Variants in ATP6V1H observed in about 807,000 individuals in gnomAD.
ATP6V1H encodes the protein ATPase H+ transporting V1 subunit H.
Under a neutral mutation model 71.7 loss-of-function variants are expected in ATP6V1H, and 39 were observed. That is an observed-to-expected ratio of 0.54 (90% confidence interval 0.42 to 0.71). The LOEUF (loss-of-function observed/expected upper bound fraction) is 0.71, where lower values mean the gene tolerates loss of function less well. Among genes scored for constraint, ATP6V1H ranks in the 30% least tolerant of loss-of-function variants. The pLI is 0.00. For synonymous variants in ATP6V1H, 192 were observed against 199.3 expected (o/e 0.96, Z 0.31); for missense variants, 509 against 594.9 (o/e 0.86, Z 1.50).
At chr8:53,772,685 G>A (rs1361992287) in intron 9 of ATP6V1H, among the ~76,000 whole-genome samples, 2 of 152,016 alleles carry the variant, frequency 1.3e-5, no homozygotes, top group South Asian at 2.1e-4. Flanking sequence ...CGACATTCGG[G>A]CAAATTCCCG....
intron 13 of ATP6V1H, among the ~76,000 whole-genome samples, chr8:53,741,352 T>C (rs550738871): frequency 6.6e-5 from 10 of 152,336 alleles, no homozygotes; most frequent in Non-Finnish European, 1.2e-4. Context: ...ATATACATTT[T>C]TTAAAACAAG....
chr8:53,801,807 C>T lies in ATP6V1H; in HGVS notation c.669G>A (p.Gly223=), dbSNP rs1809917573. The T allele has an allele frequency of 6.2e-7, 1 of 1,613,252 alleles. No homozygotes were observed. Among genetic ancestry groups the T allele is most frequent in the Non-Finnish European group, 8.5e-7 (1 of 1,179,706 alleles). The part of the protein sequence containing the change: ...EYRFAWVEAD[G]VNCIMGVLSN... ...AAGGAAAGGGCACTCACCAATTTAC[C>T]CCATCTGCTTCCACCCAAGCAAAGC... is the stretch of plus-strand genomic sequence containing the variant. Residue 223 remains glycine, a synonymous_variant, in exon 8 of 14, where the codon GGG becomes GGA. Coordinates refer to ENST00000359530, the MANE Select transcript of ATP6V1H (RefSeq NM_015941.4).
intron 9 of ATP6V1H, among the ~76,000 whole-genome samples, chr8:53,782,169 A>AT (rs1176818179): frequency 6.6e-6 from 1 of 152,140 alleles, no homozygotes; most frequent in Non-Finnish European, 1.5e-5. Flanking sequence ...CTTCCTACCC[A>AT]TGAGCATGGA....
chr8:53,784,343 G>A (rs986316003), intron 9 of ATP6V1H, among the ~76,000 whole-genome samples: 1 of 152,144 alleles, frequency 6.6e-6, no homozygotes, highest in Admixed American at 6.5e-5. Flanking sequence ...TGTTTTATCA[G>A]AGACTAGGAT....
chr8:53,801,848 G>A lies in ATP6V1H; in HGVS notation c.628C>T (p.Arg210Trp), dbSNP rs753840947. Reference protein sequence around the residue: ...CVAGCLQLMLRVNEYRFAWVE... With the variant: ...CVAGCLQLMLWVNEYRFAWVE... ...CAAGCAAAGCGGTACTCATTGACCC[G>A]GAGCATCAGCTGCAAACACCCGGCC... is the stretch of plus-strand genomic sequence containing the variant. Residue 210 changes from arginine (R) to tryptophan (W), a missense_variant, in exon 8 of 14, where the codon CGG becomes TGG. Arg to Trp is a moderately radical substitution (Grantham distance 101, BLOSUM62 -3). Coordinates refer to ENST00000359530, the MANE Select transcript of ATP6V1H (RefSeq NM_015941.4). The A allele has an allele frequency of 1.4e-5, 22 of 1,613,828 alleles. No individual in the cohort carries two copies. The highest frequency in any genetic ancestry group is 2.7e-5 in the African/African-American group (2 of 74,868).
intron 12 of ATP6V1H, among the ~76,000 whole-genome samples, chr8:53,754,055 A>G (rs1056251277): frequency 1.3e-5 from 2 of 152,174 alleles, no homozygotes; most frequent in South Asian, 2.1e-4. Flanking sequence ...AGCCCTGCAC[A>G]CTGCGCATAA....
chr8:53,752,521 G>C (rs1469343295), intron 12 of ATP6V1H, among the ~76,000 whole-genome samples: 1 of 152,136 alleles, frequency 6.6e-6, no homozygotes, highest in Non-Finnish European at 1.5e-5. Context: ...AGCAATAAAG[G>C]GTAAGAAAAG....
At chr8:53,781,418 T>A (rs1435735262) in intron 9 of ATP6V1H, among the ~76,000 whole-genome samples, 1 of 152,194 alleles carries the variant, frequency 6.6e-6, no homozygotes, top group Non-Finnish European at 1.5e-5. Flanking sequence ...TTTGTTTGAG[T>A]TCATTGTAGA....
chr8:53,824,209 G>A (rs1359361658), intron 4 of ATP6V1H, among the ~76,000 whole-genome samples: 1 of 152,094 alleles, frequency 6.6e-6, no homozygotes, highest in Non-Finnish European at 1.5e-5. Context: ...AACAATTTCT[G>A]TAGAAGACAT....
In ATP6V1H at chr8:53,732,514, G is replaced by C. The variant is rs1807057493; in HGVS notation, c.1391+11063C>G. 2.0e-5 allele frequency among the ~76,000 whole-genome samples: 3 copies of C among 152,174 alleles called. No individual in the cohort carries two copies. In the East Asian group the frequency reaches 5.8e-4, roughly 29 times the overall value. ...TGGATGGCCAACAGAAATAACTACA[G>C]ACAGGGAACAATTGGCCATGTATTT... is the stretch of plus-strand genomic sequence containing the variant. On this transcript the variant is annotated intron_variant, in intron 13 of 13. Transcript: ENST00000359530.
chr8:53,775,963 A>G (rs55876329), intron 9 of ATP6V1H, among the ~76,000 whole-genome samples: 26,199 of 152,190 alleles, frequency 0.17, 3,696 homozygotes, highest in East Asian at 0.37. Flanking sequence ...GGTGCTCATC[A>G]GGGAGGCTCA....
At chr8:53,720,266 T>C (rs1351967083) in intron 13 of ATP6V1H, among the ~76,000 whole-genome samples, 1 of 152,080 alleles carries the variant, frequency 6.6e-6, no homozygotes, top group Non-Finnish European at 1.5e-5. Context: ...TCAACATCTC[T>C]GAAACTGAAA....
intron 2 of ATP6V1H, among the ~76,000 whole-genome samples, chr8:53,836,740 G>C (rs536816370): frequency 2.7e-4 from 41 of 152,280 alleles, no homozygotes; most frequent in African/African-American, 9.9e-4. Context: ...CACTTACGCA[G>C]AGGCATTCAG....
intron 6 of ATP6V1H, 145 bp downstream of exon 6, chr8:53,814,517 G>A: frequency 1.9e-6 from 1 of 534,984 alleles, no homozygotes; most frequent in East Asian, 3.2e-5. Flanking sequence ...TACCATATCT[G>A]AGAGTAGTTT....
chr8:53,812,743 G>C (rs556297934), intron 6 of ATP6V1H, among the ~76,000 whole-genome samples: 1 of 152,214 alleles, frequency 6.6e-6, no homozygotes, highest in East Asian at 1.9e-4. Context: ...ACTCAGGGTG[G>C]AGTGCAGTGG....
chr8:53,727,274 C>T (rs571916601), intron 13 of ATP6V1H, among the ~76,000 whole-genome samples: 69 of 152,350 alleles, frequency 4.5e-4, no homozygotes, highest in African/African-American at 1.4e-3. Flanking sequence ...ATCCTCTCGG[C>T]TTATTTTACA....
At chr8:53,729,261 T>A (rs888477440) in intron 13 of ATP6V1H, among the ~76,000 whole-genome samples, 1 of 152,146 alleles carries the variant, frequency 6.6e-6, no homozygotes, top group Non-Finnish European at 1.5e-5. Flanking sequence ...AAAGTGAAGT[T>A]GATATTTTGG....
chr8:53,815,879 A>T (rs983257552), intron 5 of ATP6V1H, among the ~76,000 whole-genome samples: 2 of 152,238 alleles, frequency 1.3e-5, no homozygotes, highest in African/African-American at 4.8e-5. Flanking sequence ...TGCCCCTCAG[A>T]ATGTGAAAGA....
intron 9 of ATP6V1H, among the ~76,000 whole-genome samples, chr8:53,779,762 A>G (rs1313198734): frequency 6.6e-6 from 1 of 151,988 alleles, no homozygotes; most frequent in Non-Finnish European, 1.5e-5. Context: ...CCTATTACCT[A>G]TCCTCTCCTC....
Sources: gnomAD v4.1 joint callset for allele counts (sites outside exome capture counted in the v4.1 genomes callset) on GRCh38, gnomAD v4.1.1 for gene constraint, MANE v1.5 for transcripts, NCBI Gene and HGNC (gene_info 2026-07-23, HGNC 2026-07-21) for gene names.